KIDINS220: variants seen among roughly 807,000 people sequenced by gnomAD.
KIDINS220 encodes kinase D interacting substrate 220.
Under a neutral mutation model 157.6 loss-of-function variants are expected in KIDINS220, and 63 were observed. The ratio of observed to expected loss-of-function variants is 0.40; its 90% confidence interval spans 0.33 to 0.49. KIDINS220 has a LOEUF of 0.49. Among genes scored for constraint, KIDINS220 ranks in the 20% least tolerant of loss-of-function variants. The probability of loss-of-function intolerance (pLI) is 0.66; values close to 1 mark genes in which losing one functional copy is unlikely to be tolerated. For missense variants in KIDINS220, 1,772 were observed against 2,171.2 expected, an observed-to-expected ratio of 0.82 and a Z score of 3.65; for synonymous variants, 732 against 783.6, an observed-to-expected ratio of 0.93 and a Z score of 1.10.
chr2:8,790,488 T>C lies in KIDINS220; in HGVS notation c.1442-429A>G, dbSNP rs907298875. Among the ~76,000 whole-genome samples the C allele has an allele frequency of 3.9e-5, 6 of 152,242 alleles. No homozygotes were observed. In the South Asian group the frequency reaches 6.2e-4, roughly 16 times the overall value. ...TTCCACTGTGATCCTTCTCATCCCTTCTCCCTCCAATCACATTTGAGAATA... is the reference window on the plus strand; with the variant it reads ...TTCCACTGTGATCCTTCTCATCCCTCCTCCCTCCAATCACATTTGAGAATA... On this transcript the variant is annotated intron_variant, in intron 13 of 29. Coordinates refer to ENST00000256707, the MANE Select transcript of KIDINS220 (RefSeq NM_020738.4).
rs1039840883 is a variant in KIDINS220 at position 8,729,028 on chromosome 2, C to T, written c.*1692G>A. 2.6e-5 allele frequency: 26 copies of T among 981,704 alleles called. No individual in the cohort carries two copies. The highest frequency in any genetic ancestry group is 9.4e-5 in the South Asian group (2 of 21,168). The allele number at this position is 981,704 out of a possible 1,614,324, so 60.8% of individuals were successfully genotyped here. A position where few individuals can be genotyped will look rare whatever the true frequency, so the allele number is the denominator to read the frequency against. On this transcript the variant is annotated 3_prime_UTR_variant, in exon 30 of 30. Coordinates refer to ENST00000256707, the MANE Select transcript of KIDINS220 (RefSeq NM_020738.4). ...TAAAGAATGTACTCCAATGATATTACGCGGCAACTACTCACCTGAAAAAGA... is the reference window on the plus strand; with the variant it reads ...TAAAGAATGTACTCCAATGATATTATGCGGCAACTACTCACCTGAAAAAGA...
intron 6 of KIDINS220, among the ~76,000 whole-genome samples, chr2:8,810,671 A>T (rs1676160615): frequency 6.6e-6 from 1 of 152,158 alleles, no homozygotes. Flanking sequence ...CTGTAATCCC[A>T]GCTACTCAGA....
At chr2:8,794,142 C>T (rs1673584544) in intron 11 of KIDINS220, 155 bp from the exon 12 acceptor site, 1 of 517,738 alleles carries the variant, frequency 1.9e-6, no homozygotes, top group East Asian at 3.3e-5. Flanking sequence ...TCTCTATCTT[C>T]CCCATAATAT....
downstream of KIDINS220, chr2:8,723,596 CAG>C (rs978255573): frequency 3.3e-5 from 5 of 152,182 alleles, no homozygotes; most frequent in Non-Finnish European, 5.9e-5. Flanking sequence ...CAAGCTTAAT[CAG>C]AGTAGTCCAT....
chr2:8,771,978 C>CA (rs931126467), intron 21 of KIDINS220, among the ~76,000 whole-genome samples: 36 of 142,000 alleles, frequency 2.5e-4, no homozygotes, highest in South Asian at 6.7e-4. Flanking sequence ...AAGAAAAAGA[C>CA]AAAAAAAAAA....
chr2:8,731,530 G>A lies in KIDINS220; in HGVS notation c.4506C>T (p.Leu1502=). 1 of 1,614,204 alleles carries A rather than the reference G, an allele frequency of 6.2e-7. No individual in the cohort carries two copies. Among genetic ancestry groups the A allele is most frequent in the Middle Eastern group, 1.6e-4 (1 of 6,062 alleles). Reference sequence around the variant, plus strand: ...CCTTAAGCTTCAAATCTGTCTGGAAGAGGCTTGACCTTTCGGAAGATTTCT... The same window carrying A: ...CCTTAAGCTTCAAATCTGTCTGGAAAAGGCTTGACCTTTCGGAAGATTTCT... ...PGKKSSERSS[L]FQTDLKLKGS... The change falls in exon 30 of 30, where the codon CTC becomes CTT. Residue 1502 remains leucine (L), a synonymous_variant. Coordinates refer to ENST00000256707, the MANE Select transcript of KIDINS220 (RefSeq NM_020738.4). The surrounding 1 kb of genome is among the most constrained non-coding windows in gnomAD (Gnocchi z 5.2).
At chr2:8,830,888 C>T (rs1452501626) in intron 1 of KIDINS220, among the ~76,000 whole-genome samples, 1 of 152,176 alleles carries the variant, frequency 6.6e-6, no homozygotes, top group African/African-American at 2.4e-5. Flanking sequence ...CATATTGGCA[C>T]TGTTTCCAGA....
chr2:8,747,247 G>T, intron 25 of KIDINS220, 46 bp from the exon 26 acceptor site: 1 of 1,519,160 alleles, frequency 6.6e-7, no homozygotes, highest in South Asian at 1.1e-5. Context: ...GGGAAGGGGG[G>T]AGCCAAACTG....
chr2:8,804,955 A>G (rs1012353856), intron 7 of KIDINS220, among the ~76,000 whole-genome samples: 8 of 152,186 alleles, frequency 5.3e-5, no homozygotes, highest in Admixed American at 2.6e-4. Context: ...CATGCCAATG[A>G]AAGCTCAGGT....
chr2:8,734,317 A>G (rs988211995), intron 28 of KIDINS220, among the ~76,000 whole-genome samples: 5 of 152,190 alleles, frequency 3.3e-5, no homozygotes, highest in African/African-American at 4.8e-5. Flanking sequence ...TGCAAGCCCT[A>G]TAAGGATGAA....
Position 8,736,970 on chromosome 2 carries a change from T to C in KIDINS220, c.3615A>G (p.Val1205=), listed in dbSNP as rs977904527. 25 of 1,614,200 alleles carry C rather than the reference T, an allele frequency of 1.5e-5. No individual in the cohort carries two copies. The highest frequency in any genetic ancestry group is 2.0e-5 in the Non-Finnish European group (24 of 1,180,026). ...RGSGPAPGPV[V]LLNSLNVDAV... Reference sequence around the variant, plus strand: ...CATCCACATTCAGTGAATTCAGTAATACCACTGGGCCTGGGGCTGGGCCTG... The same window carrying C: ...CATCCACATTCAGTGAATTCAGTAACACCACTGGGCCTGGGGCTGGGCCTG... Residue 1205 remains valine, a synonymous_variant, in exon 27 of 30, where the codon GTA becomes GTG. Coordinates refer to ENST00000256707, the MANE Select transcript of KIDINS220 (RefSeq NM_020738.4).
intron 4 of KIDINS220, among the ~76,000 whole-genome samples, chr2:8,816,040 C>T (rs914952223): frequency 6.6e-6 from 1 of 152,086 alleles, no homozygotes; most frequent in Non-Finnish European, 1.5e-5. Flanking sequence ...TAAGGTCCCA[C>T]AAAACTAGCT....
At chr2:8,809,538 C>G (rs1212064957) in intron 6 of KIDINS220, among the ~76,000 whole-genome samples, 2 of 151,652 alleles carry the variant, frequency 1.3e-5, no homozygotes, top group African/African-American at 2.4e-5. Flanking sequence ...TAATAATCAG[C>G]CCTTTGCTCA....
chr2:8,776,919 G>A, intron 20 of KIDINS220, 27 bp from the exon 21 acceptor site: 1 of 1,609,924 alleles, frequency 6.2e-7, no homozygotes, highest in Non-Finnish European at 8.5e-7. Context: ...TCAGTGAGAA[G>A]GAACCCACGC....
intron 20 of KIDINS220, among the ~76,000 whole-genome samples, chr2:8,777,990 G>GA (rs1246605413): frequency 1.3e-5 from 2 of 152,116 alleles, no homozygotes; most frequent in African/African-American, 4.8e-5. Flanking sequence ...TAGCAAACCA[G>GA]AAAAAAACAT....
At chr2:8,744,778 A>T (rs1666311116) in intron 26 of KIDINS220, among the ~76,000 whole-genome samples, 1 of 152,018 alleles carries the variant, frequency 6.6e-6, no homozygotes, top group African/African-American at 2.4e-5. Flanking sequence ...TTGGCATTGA[A>T]CTAAGTGACT....
At chr2:8,725,920 T>C (rs1351963894), downstream of KIDINS220, among the ~76,000 whole-genome samples, 2 of 152,176 alleles carry the variant, frequency 1.3e-5, no homozygotes, top group Non-Finnish European at 2.9e-5. Context: ...TAAATAACAC[T>C]ACAAAAAGCA....
At chr2:8,811,018 T>C (rs776744429) in intron 6 of KIDINS220, among the ~76,000 whole-genome samples, 17 of 152,248 alleles carry the variant, frequency 1.1e-4, no homozygotes, top group Non-Finnish European at 1.9e-4. Context: ...ATTTTCACTG[T>C]ACTACTTGAT....
intron 24 of KIDINS220, chr2:8,749,533 C>A: frequency 2.7e-6 from 1 of 377,292 alleles, no homozygotes; most frequent in South Asian, 2.0e-5. Flanking sequence ...ATCTTTTCAT[C>A]TGGGAAATTA....
Sources: allele counts gnomAD v4.1 joint callset (sites outside exome capture counted in the v4.1 genomes callset), GRCh38; gene constraint gnomAD v4.1.1; non-coding constraint Gnocchi (gnomAD v3.1); transcripts MANE v1.5; gene names NCBI Gene and HGNC (gene_info 2026-07-23, HGNC 2026-07-21).